Variants in TM4SF19 observed in about 807,000 individuals in gnomAD.
TM4SF19 encodes transmembrane 4 L6 family member 19.
TM4SF19 carries 17 observed loss-of-function variants against 21.8 expected under a neutral mutation model. That is an observed-to-expected ratio of 0.78 (90% CI 0.53 to 1.17). TM4SF19 has a LOEUF of 1.17. Ranked by LOEUF, TM4SF19 falls within the 50% of genes most tolerant of loss-of-function variation. TM4SF19 has a pLI of 0.00. For missense variants in TM4SF19, 216 were observed against 252.1 expected, an observed-to-expected ratio of 0.86 and a Z score of 0.97; for synonymous variants, 107 against 106.7, an observed-to-expected ratio of 1.00 and a Z score of -0.02.
chr3:196,332,473 A>AAAGAGG (rs1399213750), intron 1 of TM4SF19, among the ~76,000 whole-genome samples: 1 of 150,208 alleles, frequency 6.7e-6, no homozygotes, highest in African/African-American at 2.5e-5. Flanking sequence ...GGAAGGAAGG[A>AAAGAGG]AAGAGGAAGG....
chr3:196,323,777 T>A lies in TM4SF19; in HGVS notation c.*40A>T. 1 of 1,614,048 alleles carries A rather than the reference T, an allele frequency of 6.2e-7. No individual in the cohort carries two copies. Among genetic ancestry groups the A allele is most frequent in the Non-Finnish European group, 8.5e-7 (1 of 1,179,996 alleles). Reference sequence around the variant, plus strand: ...TGTAGAAAGGATTCAAGACAGCCGATGATGAAAACACCCATGCTTGCAAGT... The same window carrying A: ...TGTAGAAAGGATTCAAGACAGCCGAAGATGAAAACACCCATGCTTGCAAGT... On this transcript the variant is annotated 3_prime_UTR_variant, in exon 5 of 5. Transcript: ENST00000273695.
Position 196,324,356 on chromosome 3 carries a change from C to A in TM4SF19, c.364G>T (p.Gly122Cys), listed in dbSNP as rs759012019. 6.2e-7 allele frequency: 1 copy of A among 1,614,108 alleles called. No individual in the cohort carries two copies. Among genetic ancestry groups the A allele is most frequent in the Non-Finnish European group, 8.5e-7 (1 of 1,180,030 alleles). ...GAAACATCAAACATGCAAAAAGGACCATCTTTCAGAGCAACTCCAGAAGTG... is the reference window on the plus strand; with the variant it reads ...GAAACATCAAACATGCAAAAAGGACAATCTTTCAGAGCAACTCCAGAAGTG... Reference protein sequence around the residue: ...FVTSGVALKDGPFCMFDVSSF... With the variant: ...FVTSGVALKDCPFCMFDVSSF... The change falls in exon 4 of 5, where the codon GGT (glycine) becomes TGT (cysteine). Residue 122 changes from glycine (G) to cysteine (C), a missense_variant. Transcript: ENST00000273695.
intron 1 of TM4SF19, among the ~76,000 whole-genome samples, chr3:196,333,774 A>G (rs1188460002): frequency 6.6e-6 from 1 of 152,190 alleles, no homozygotes; most frequent in African/African-American, 2.4e-5. Context: ...TAAAATTTGC[A>G]TTAAAGGCCA....
chr3:196,337,399 T>G (rs769128887), intron 1 of TM4SF19, among the ~76,000 whole-genome samples: 1 of 152,068 alleles, frequency 6.6e-6, no homozygotes, highest in Non-Finnish European at 1.5e-5. Flanking sequence ...TACACTGTCT[T>G]TCTAAAATAA....
intron 3 of TM4SF19, chr3:196,324,755 C>A: frequency 3.2e-6 from 1 of 310,532 alleles, no homozygotes; most frequent in Non-Finnish European, 6.0e-6. Context: ...AGCAGCTTGG[C>A]ATCACAAACC....
intron 1 of TM4SF19, among the ~76,000 whole-genome samples, chr3:196,328,051 C>T (rs1250253913): frequency 6.6e-6 from 1 of 152,166 alleles, no homozygotes; most frequent in Non-Finnish European, 1.5e-5. Flanking sequence ...CCTGTAATCC[C>T]AGCACTTTGG....
At position 196,332,848 on chromosome 3, in the gene TM4SF19, A is replaced by ATTTTT. The variant is rs544134464; in HGVS notation, c.-1-5262_-1-5258dup. On this transcript the variant is annotated intron_variant, in intron 1 of 4. Transcript: ENST00000273695. ...CTGACTCACAATGGTTCAACTTACA[A>ATTTTT]TTTTTTTTTTTTTTTTTTTTTTGAG... Among the ~76,000 whole-genome samples the ATTTTT allele has an allele frequency of 7.0e-4, 84 of 120,844 alleles. 3 individuals carry two copies. The highest frequency in any genetic ancestry group is 1.1e-3 in the Non-Finnish European group (65 of 59,346). 79.3% of individuals were successfully genotyped at this position (120,844 alleles called of 152,430 possible). A position where few individuals can be genotyped will look rare whatever the true frequency, so the allele number is the denominator to read the frequency against.
intron 1 of TM4SF19, among the ~76,000 whole-genome samples, chr3:196,331,497 T>TA (rs1455379292): frequency 6.6e-6 from 1 of 151,138 alleles, no homozygotes; most frequent in Non-Finnish European, 1.5e-5. Flanking sequence ...TTGAAAAAAA[T>TA]TTATTTTTAG....
intron 1 of TM4SF19, among the ~76,000 whole-genome samples, chr3:196,332,079 G>T (rs890963420): frequency 2.0e-5 from 3 of 151,896 alleles, no homozygotes; most frequent in Non-Finnish European, 4.4e-5. Context: ...GACCAACCTG[G>T]CCAACATGGT....
chr3:196,335,570 T>C (rs1196219824), intron 1 of TM4SF19, among the ~76,000 whole-genome samples: 2 of 150,266 alleles, frequency 1.3e-5, no homozygotes, highest in Non-Finnish European at 3.0e-5. Context: ...CAGTGACTCC[T>C]ACCCCAGGGG....
intron 1 of TM4SF19, among the ~76,000 whole-genome samples, chr3:196,332,409 G>A (rs2108810749): frequency 7.3e-6 from 1 of 137,584 alleles, no homozygotes; most frequent in Non-Finnish European, 1.6e-5. Context: ...GCAAAAGAGA[G>A]AGAGAGAGAG....
At chr3:196,335,998 G>T (rs1647795073) in intron 1 of TM4SF19, among the ~76,000 whole-genome samples, 1 of 152,126 alleles carries the variant, frequency 6.6e-6, no homozygotes, top group Non-Finnish European at 1.5e-5. Context: ...GTGCAGGAAT[G>T]CATTTAGTGC....
intron 3 of TM4SF19, among the ~76,000 whole-genome samples, 162 bp downstream of exon 3, chr3:196,326,793 G>T (rs540553025): frequency 1.3e-5 from 2 of 152,118 alleles, no homozygotes; most frequent in African/African-American, 4.8e-5. Context: ...GCCTGAAACT[G>T]GAAAGATGAA....
In TM4SF19 at chr3:196,323,714, C is replaced by A. The variant is rs1727157501; in HGVS notation, c.*103G>T. The A allele has an allele frequency of 1.3e-6, 2 of 1,589,908 alleles. No individual in the cohort carries two copies. The highest frequency in any genetic ancestry group is 1.7e-6 in the Non-Finnish European group (2 of 1,167,134). ...GTTGTCATTATTACTCCAGGGATAC[C>A]TAAAGGGGAAGTTTGTTTATAATTC... On this transcript the variant is annotated 3_prime_UTR_variant, in exon 5 of 5. Coordinates refer to ENST00000273695, the MANE Select transcript of TM4SF19 (RefSeq NM_138461.4).
At chr3:196,326,893 G>A in intron 3 of TM4SF19, 62 bp downstream of exon 3, 1 of 1,436,076 alleles carries the variant, frequency 7.0e-7, no homozygotes, top group East Asian at 2.3e-5. Flanking sequence ...TTACCGCCCT[G>A]CCTCTAGAGT....
chr3:196,327,929 T>C (rs138608700), intron 1 of TM4SF19, among the ~76,000 whole-genome samples: 1 of 152,330 alleles, frequency 6.6e-6, no homozygotes, highest in Non-Finnish European at 1.5e-5. Flanking sequence ...TCTCCACTTC[T>C]ATTCAACGTT....
chr3:196,326,009 C>T (rs534108371), intron 3 of TM4SF19, among the ~76,000 whole-genome samples: 4 of 152,222 alleles, frequency 2.6e-5, no homozygotes, highest in Non-Finnish European at 4.4e-5. Flanking sequence ...GAGTCTCGCT[C>T]TGTCGCCCAG....
intron 1 of TM4SF19, among the ~76,000 whole-genome samples, chr3:196,328,019 C>G (rs952941193): frequency 6.6e-6 from 1 of 152,028 alleles, no homozygotes; most frequent in Non-Finnish European, 1.5e-5. Context: ...GTAATATTGT[C>G]GGCCAGGCAT....
chr3:196,337,255 G>A (rs1396523749), intron 1 of TM4SF19, among the ~76,000 whole-genome samples: 2 of 151,688 alleles, frequency 1.3e-5, no homozygotes, highest in African/African-American at 2.4e-5. Context: ...ATGGGTTTTC[G>A]CCATGTGGGT....
Sources: gnomAD v4.1 joint callset for allele counts (sites outside exome capture counted in the v4.1 genomes callset) on GRCh38, gnomAD v4.1.1 for gene constraint, MANE v1.5 for transcripts, NCBI Gene and HGNC (gene_info 2026-07-23, HGNC 2026-07-21) for gene names.